The following ERG variants were observed in gnomAD, a reference collection of about 807,000 sequenced individuals.
ERG encodes transcriptional regulator ERG.
ERG carries 9 observed loss-of-function variants against 55.3 expected under a neutral mutation model. That is an observed-to-expected ratio of 0.16 (90% CI 0.10 to 0.28). The LOEUF (loss-of-function observed/expected upper bound fraction) is 0.28. ERG is among the 10% of genes least tolerant of loss of function. ERG has a pLI of 1.00. For synonymous variants in ERG, 223 were observed against 237.3 expected (o/e 0.94, Z 0.55); for missense variants, 434 against 631.6 (o/e 0.69, Z 3.35).
rs562222587 is a variant in ERG at position 38,444,060 on chromosome 21, G to C, written c.236+1344C>G. Reference sequence around the variant, plus strand: ...ATCTGGCACGTCCAGCCTTGCCGTTGACATTCCCTCTAGGACACTGTGACT... The same window carrying C: ...ATCTGGCACGTCCAGCCTTGCCGTTCACATTCCCTCTAGGACACTGTGACT... On this transcript the variant is annotated intron_variant, in intron 2 of 9. Transcript: ENST00000288319. 3.3e-5 allele frequency among the ~76,000 whole-genome samples: 5 copies of C among 152,312 alleles called. No homozygotes were observed. In the South Asian group the frequency reaches 8.3e-4, roughly 25 times the overall value.
At chr21:38,457,040 G>A (rs1048561351) in intron 1 of ERG, among the ~76,000 whole-genome samples, 1 of 152,178 alleles carries the variant, frequency 6.6e-6, no homozygotes, top group Non-Finnish European at 1.5e-5. Context: ...ATTTGAACTA[G>A]GAGAGCAATC....
intron 1 of ERG, among the ~76,000 whole-genome samples, chr21:38,610,524 C>T (rs572354874): frequency 6.8e-5 from 8 of 117,294 alleles, no homozygotes; most frequent in East Asian, 2.4e-4. Flanking sequence ...TGCGCGCACG[C>T]GCGTGTGTGT....
At position 38,581,279 on chromosome 21, in the gene ERG, C is replaced by G. The variant is rs150263369; in HGVS notation, c.-127+3565G>C. 2.0e-5 allele frequency among the ~76,000 whole-genome samples: 3 copies of G among 152,338 alleles called. No homozygotes were observed. The East Asian group carries it at 5.8e-4, about 29-fold the overall frequency. ...GCAGAGCCAGATGAGGGATGGAAATCAGATCTGCCACTTACTCCTTGGAAA... is the reference window on the plus strand; with the variant it reads ...GCAGAGCCAGATGAGGGATGGAAATGAGATCTGCCACTTACTCCTTGGAAA... On this transcript the variant is annotated intron_variant, in intron 1 of 8. Transcript: ENST00000398897.
At chr21:38,610,141 C>A (rs1339267763) in intron 1 of ERG, among the ~76,000 whole-genome samples, 1 of 152,194 alleles carries the variant, frequency 6.6e-6, no homozygotes, top group Non-Finnish European at 1.5e-5. Context: ...ACGCTGCGAT[C>A]ACTATTCAAA....
Position 38,383,506 on chromosome 21 carries a change from A to G in ERG, c.1337T>C (p.Phe446Ser). 1 of 1,557,772 alleles carries G rather than the reference A, an allele frequency of 6.4e-7. No individual in the cohort carries two copies. The highest frequency in any genetic ancestry group is 8.7e-7 in the Non-Finnish European group (1 of 1,148,560). The change falls in exon 10 of 10, where the codon TTT becomes TCT. Residue 446 changes from phenylalanine to serine, a missense_variant. Physicochemically the swap from Phe to Ser is radical, Grantham distance 155 (BLOSUM62 -2). This residue lies in a region of ERG where 107 missense variants were observed against 126.8 expected (regional missense o/e 0.84). Transcript: ENST00000288319. The surrounding 1 kb of genome is among the most constrained non-coding windows in gnomAD (Gnocchi z 5.7). ...PALPVTSSSF[F>S]AAPNPYWNSP... ...ATTCCAGTATGGGTTTGGGGCAGCAAAAAAACTGGAAGATGTCACGGGGAG... is the reference window on the plus strand; with the variant it reads ...ATTCCAGTATGGGTTTGGGGCAGCAGAAAAACTGGAAGATGTCACGGGGAG...
intron 1 of ERG, among the ~76,000 whole-genome samples, chr21:38,600,193 C>T (rs1050378919): frequency 1.3e-5 from 2 of 152,214 alleles, no homozygotes; most frequent in Non-Finnish European, 2.9e-5. Context: ...AACCCCGCCC[C>T]GGCTTTGGCT....
intron 3 of ERG, among the ~76,000 whole-genome samples, chr21:38,416,775 C>T (rs1460768665): frequency 6.6e-6 from 1 of 152,180 alleles, no homozygotes; most frequent in Admixed American, 6.5e-5. Context: ...GAGGATCAAG[C>T]ATGGCTCCCT....
chr21:38,650,046 G>T lies in ERG; in HGVS notation c.-150+11612C>A, dbSNP rs116217820. Among the ~76,000 whole-genome samples the T allele has an allele frequency of 4.8e-3, 728 of 152,208 alleles. 6 individuals are homozygous for T. The highest frequency in any genetic ancestry group is 0.017 in the African/African-American group (690 of 41,510). ...CTGCCTTAGGTGTAAAATTCAATAT[G>T]GTGATTAGAGTCTAGAGAAGCCACA... is the stretch of plus-strand genomic sequence containing the variant. On this transcript the variant is annotated intron_variant, in intron 1 of 10. Coordinates refer to the ERG transcript ENST00000398910.
At chr21:38,571,235 A>G (rs2059955510) in intron 2 of ERG, among the ~76,000 whole-genome samples, 1 of 152,282 alleles carries the variant, frequency 6.6e-6, no homozygotes, top group African/African-American at 2.4e-5. Context: ...TGTAATAAAA[A>G]AAGTACTTGG....
intron 2 of ERG, among the ~76,000 whole-genome samples, chr21:38,550,435 C>T (rs2059816953): frequency 6.6e-6 from 1 of 152,104 alleles, no homozygotes; most frequent in Non-Finnish European, 1.5e-5. Flanking sequence ...GGAGGAGGGG[C>T]CTTTGGAAGG....
chr21:38,450,984 T>C (rs537030938), intron 1 of ERG: 10 of 438,654 alleles, frequency 2.3e-5, no homozygotes, highest in South Asian at 1.3e-4. Context: ...TTTGTGTCTG[T>C]GAATGGAATC....
At chr21:38,386,418 G>A (rs1256858315) in intron 9 of ERG, among the ~76,000 whole-genome samples, 1 of 152,098 alleles carries the variant, frequency 6.6e-6, no homozygotes, top group African/African-American at 2.4e-5. Context: ...AACAAAATTC[G>A]CTGCATTTTG....
chr21:38,463,342 T>G (rs1158578168), intron 1 of ERG, among the ~76,000 whole-genome samples: 1 of 152,130 alleles, frequency 6.6e-6, no homozygotes, highest in Non-Finnish European at 1.5e-5. Flanking sequence ...ATTCTGCATG[T>G]GGTTGACTCT....
intron 1 of ERG, among the ~76,000 whole-genome samples, chr21:38,625,984 G>A (rs746761029): frequency 8.4e-5 from 12 of 143,342 alleles, no homozygotes; most frequent in East Asian, 4.2e-4. Flanking sequence ...GTGCAGTGGC[G>A]TGATCTCGGC....
chr21:38,377,982 GC>G (rs1426092769), downstream of ERG, among the ~76,000 whole-genome samples: 1 of 152,162 alleles, frequency 6.6e-6, no homozygotes, highest in Non-Finnish European at 1.5e-5. Flanking sequence ...ATTCACCTGG[GC>G]CCTGCAGTGC....
At chr21:38,595,118 G>A (rs1192471942) in intron 1 of ERG, among the ~76,000 whole-genome samples, 1 of 148,368 alleles carries the variant, frequency 6.7e-6, no homozygotes, top group Non-Finnish European at 1.5e-5. Context: ...GGGCCAAGAC[G>A]TGGGGAGAGT....
chr21:38,479,658 T>C (rs2059219598), intron 1 of ERG, among the ~76,000 whole-genome samples: 1 of 152,144 alleles, frequency 6.6e-6, no homozygotes. Context: ...CCCCAGGGGA[T>C]GTCTGAAACC....
At chr21:38,530,102 T>C (rs1229844903) in intron 2 of ERG, among the ~76,000 whole-genome samples, 1 of 152,162 alleles carries the variant, frequency 6.6e-6, no homozygotes, top group African/African-American at 2.4e-5. Context: ...CTCTGTTGCC[T>C]GAGCTGGAGT....
At chr21:38,423,682 G>T in intron 2 of ERG, 121 bp from the exon 3 acceptor site, 1 of 1,113,948 alleles carries the variant, frequency 9.0e-7, no homozygotes, top group Non-Finnish European at 1.3e-6. Context: ...GGGGAGAAAG[G>T]ACAAGTGTGA....
Sources: allele counts gnomAD v4.1 joint callset (sites outside exome capture counted in the v4.1 genomes callset), GRCh38; gene constraint gnomAD v4.1.1; regional missense constraint gnomAD v4.1.1; non-coding constraint Gnocchi (gnomAD v3.1); transcripts MANE v1.5; gene names NCBI Gene and HGNC (gene_info 2026-07-23, HGNC 2026-07-21).